Variants in NRXN1 observed in about 807,000 individuals in gnomAD.
NRXN1 encodes neurexin-1.
NRXN1 carries 39 observed loss-of-function variants against 150.9 expected under a neutral mutation model. The observed-to-expected ratio is 0.26, with a 90% confidence interval of 0.20 to 0.34. The LOEUF is 0.34. Ranked by LOEUF, NRXN1 falls within the 10% of genes least tolerant of loss-of-function variation. NRXN1 has a pLI of 1.00. For missense variants in NRXN1, 1,815 were observed against 1,949.9 expected (o/e 0.93, Z 1.30); for synonymous variants, 924 against 757.0 (o/e 1.22, Z -3.62).
chr2:50,604,860 A>T (rs1461229659), intron 8 of NRXN1, among the ~76,000 whole-genome samples: 1 of 152,206 alleles, frequency 6.6e-6, no homozygotes, highest in East Asian at 1.9e-4. Flanking sequence ...AAAAGTCACA[A>T]TCTCTACCAT....
chr2:50,218,617 T>C (rs1407856770), intron 18 of NRXN1, among the ~76,000 whole-genome samples: 9 of 151,928 alleles, frequency 5.9e-5, no homozygotes, highest in African/African-American at 2.2e-4. Flanking sequence ...TTTGTTTATC[T>C]TGGAGTCTAA....
At position 50,759,638 on chromosome 2, in the gene NRXN1, G is replaced by A. The variant is rs573782026; in HGVS notation, c.833-136023C>T. Among the ~76,000 whole-genome samples, 34 of 151,974 alleles carry A rather than the reference G, an allele frequency of 2.2e-4. No homozygotes were observed. The South Asian group carries it at 7.0e-3, about 31-fold the overall frequency. On this transcript the variant is annotated intron_variant, in intron 5 of 22. Coordinates refer to ENST00000401669, the MANE Select transcript of NRXN1 (RefSeq NM_001330078.2). ...AAGTTATTAAAGGGCTGATATGTCA[G>A]GAATATCAGTAAGTTTCAGAATAAA...
chr2:50,645,280 A>G (rs1684662061), intron 5 of NRXN1, among the ~76,000 whole-genome samples: 1 of 151,912 alleles, frequency 6.6e-6, no homozygotes, highest in East Asian at 1.9e-4. Context: ...CCAAAGACAC[A>G]TCCCAGAAAA....
chr2:50,179,276 C>G (rs2060548099), intron 18 of NRXN1, among the ~76,000 whole-genome samples: 1 of 152,092 alleles, frequency 6.6e-6, no homozygotes, highest in South Asian at 2.1e-4. Flanking sequence ...CTAGTCACAT[C>G]AGCATATTAG....
intron 5 of NRXN1, chr2:50,916,702 T>C (rs1685261710): frequency 6.6e-6 from 1 of 151,774 alleles, no homozygotes; most frequent in East Asian, 1.9e-4. Flanking sequence ...GAGGATAAGT[T>C]AGTCTACAAC....
intron 21 of NRXN1, among the ~76,000 whole-genome samples, chr2:50,012,169 T>TAC (rs1685794169): frequency 6.6e-6 from 1 of 152,122 alleles, no homozygotes; most frequent in Non-Finnish European, 1.5e-5. Context: ...AACTAGAGTC[T>TAC]TTTCTCATGG....
At chr2:50,549,883 G>A (rs1458135290) in intron 9 of NRXN1, among the ~76,000 whole-genome samples, 1 of 151,966 alleles carries the variant, frequency 6.6e-6, no homozygotes, top group African/African-American at 2.4e-5. Context: ...GTGCATGTGT[G>A]GCATGTATGT....
intron 17 of NRXN1, among the ~76,000 whole-genome samples, chr2:50,403,993 T>C (rs908715125): frequency 6.6e-6 from 1 of 152,056 alleles, no homozygotes; most frequent in Non-Finnish European, 1.5e-5. Flanking sequence ...ACAGTTTCTC[T>C]ATAGATACAA....
intron 17 of NRXN1, among the ~76,000 whole-genome samples, chr2:50,314,016 A>G (rs2075388492): frequency 6.6e-6 from 1 of 152,088 alleles, no homozygotes; most frequent in South Asian, 2.1e-4. Flanking sequence ...AATAATTTAC[A>G]CACAATTGCT....
intron 18 of NRXN1, among the ~76,000 whole-genome samples, chr2:50,186,909 C>T (rs996623657): frequency 3.9e-5 from 6 of 151,974 alleles, no homozygotes; most frequent in African/African-American, 1.4e-4. Flanking sequence ...AAATTCCTTC[C>T]TTCCACAATT....
intron 18 of NRXN1, among the ~76,000 whole-genome samples, chr2:50,214,133 T>C (rs533907773): frequency 8.5e-5 from 13 of 152,094 alleles, no homozygotes; most frequent in Admixed American, 8.5e-4. Context: ...ATATTAGTCA[T>C]AACTTTGATT....
At chr2:50,357,302 A>ATTTATTTTTTT (rs59536239) in intron 17 of NRXN1, among the ~76,000 whole-genome samples, 229 of 142,862 alleles carry the variant, frequency 1.6e-3, no homozygotes, top group African/African-American at 5.7e-3. Context: ...TTATTTATTT[A>ATTTATTTTTTT]TTTTTTTTTT....
At chr2:50,694,576 T>C (rs1692545398) in intron 5 of NRXN1, among the ~76,000 whole-genome samples, 1 of 152,144 alleles carries the variant, frequency 6.6e-6, no homozygotes. Flanking sequence ...AACTGATTTA[T>C]CTCTGTTCAT....
At chr2:50,319,349 T>A (rs946780060) in intron 17 of NRXN1, among the ~76,000 whole-genome samples, 1 of 152,170 alleles carries the variant, frequency 6.6e-6, no homozygotes, top group African/African-American at 2.4e-5. Flanking sequence ...TTACACTGGC[T>A]GATACTCACA....
chr2:50,101,093 T>C (rs1700917355), intron 18 of NRXN1, among the ~76,000 whole-genome samples: 1 of 152,084 alleles, frequency 6.6e-6, no homozygotes, highest in South Asian at 2.1e-4. Flanking sequence ...ATTACTTGTT[T>C]TTGTTCATTT....
At chr2:50,759,417 A>G (rs1343122751) in intron 5 of NRXN1, among the ~76,000 whole-genome samples, 2 of 151,906 alleles carry the variant, frequency 1.3e-5, no homozygotes, top group African/African-American at 2.4e-5. Flanking sequence ...ACAGGTCAAG[A>G]TAACTAGCAT....
chr2:50,759,741 T>C (rs1701575767), intron 5 of NRXN1, among the ~76,000 whole-genome samples: 1 of 151,776 alleles, frequency 6.6e-6, no homozygotes, highest in South Asian at 2.1e-4. Flanking sequence ...TGGATAGCAG[T>C]GGTGAGAACC....
intron 2 of NRXN1, among the ~76,000 whole-genome samples, chr2:50,997,406 A>G (rs747390025): frequency 1.2e-4 from 18 of 144,354 alleles, no homozygotes; most frequent in Non-Finnish European, 2.4e-4. Context: ...CTGCATAGAA[A>G]TTAATCACAA....
At chr2:50,951,692 A>C (rs887393776) in intron 2 of NRXN1, among the ~76,000 whole-genome samples, 33 of 151,946 alleles carry the variant, frequency 2.2e-4, no homozygotes, top group Non-Finnish European at 3.7e-4. Flanking sequence ...CTTCATATTC[A>C]TGCTTCTTTT....
Sources: gnomAD v4.1 joint callset for allele counts (sites outside exome capture counted in the v4.1 genomes callset) on GRCh38, gnomAD v4.1.1 for gene constraint, MANE v1.5 for transcripts, NCBI Gene and HGNC (gene_info 2026-07-23, HGNC 2026-07-21) for gene names.